The following FOCAD variants were observed in gnomAD, a reference collection of about 807,000 sequenced individuals.
FOCAD encodes the protein focadhesin.
In FOCAD, 198 loss-of-function variants were observed where a neutral mutation model predicts 225.6. The observed-to-expected ratio is 0.88, with a 90% CI of 0.78 to 0.99. The LOEUF is 0.99. Among genes scored for constraint, FOCAD ranks in the 50% least tolerant of loss-of-function variants. FOCAD has a pLI of 0.00. For synonymous variants in FOCAD, 897 were observed against 755.0 expected, an observed-to-expected ratio of 1.19 and a Z score of -3.08; for missense variants, 2,713 against 2,123.6, an observed-to-expected ratio of 1.28 and a Z score of -5.46.
chr9:20,917,237 T>C (rs944248535), intron 24 of FOCAD, among the ~76,000 whole-genome samples: 1 of 151,974 alleles, frequency 6.6e-6, no homozygotes, highest in South Asian at 2.1e-4. Context: ...ACTTAAAGGA[T>C]TGTAATTTAG....
intron 42 of FOCAD, among the ~76,000 whole-genome samples, chr9:20,992,835 C>T (rs188255522): frequency 4.7e-4 from 71 of 152,130 alleles, no homozygotes; most frequent in African/African-American, 1.6e-3. Context: ...TGGTGGTGTA[C>T]GCCTATAGTC....
intron 36 of FOCAD, among the ~76,000 whole-genome samples, chr9:20,977,896 G>A (rs897251320): frequency 5.9e-5 from 9 of 152,184 alleles, no homozygotes; most frequent in African/African-American, 1.9e-4. Context: ...AAAATAAGGT[G>A]CTGATTGGAA....
At chr9:20,700,476 A>T (rs1368850341) in intron 1 of FOCAD, among the ~76,000 whole-genome samples, 18 of 148,222 alleles carry the variant, frequency 1.2e-4, no homozygotes, top group Non-Finnish European at 2.5e-4. Context: ...CTGATTTTGG[A>T]TTTGAATTTG....
chr9:20,929,686 A>G lies in FOCAD; in HGVS notation c.3317+90A>G, dbSNP rs1191677430. 1.3e-5 allele frequency: 13 copies of G among 1,008,010 alleles called. No individual in the cohort carries two copies. In the East Asian group the frequency reaches 2.9e-4, roughly 22 times the overall value. 62.4% of individuals were successfully genotyped at this position (1,008,010 alleles called of 1,614,324 possible). ...ATATGCACCTATATATAAACATTGTATCTGAGCAATATGTGTTTGCTAAAC... is the reference window on the plus strand; with the variant it reads ...ATATGCACCTATATATAAACATTGTGTCTGAGCAATATGTGTTTGCTAAAC... On this transcript the variant is annotated intron_variant, in intron 27 of 43. Transcript: ENST00000338382.
intron 42 of FOCAD, among the ~76,000 whole-genome samples, chr9:20,992,443 C>G (rs1333320279): frequency 6.6e-6 from 1 of 152,172 alleles, no homozygotes; most frequent in East Asian, 1.9e-4. Context: ...GCCTAGGAGC[C>G]TAGACCAAGC....
intron 21 of FOCAD, among the ~76,000 whole-genome samples, chr9:20,901,190 CA>C (rs534293092): frequency 2.1e-4 from 22 of 103,502 alleles, no homozygotes; most frequent in East Asian, 2.1e-3. Context: ...AATGTGGAAA[CA>C]ATGTGTGTGT....
intron 6 of FOCAD, among the ~76,000 whole-genome samples, chr9:20,763,435 C>A (rs1829787304): frequency 6.6e-6 from 1 of 152,172 alleles, no homozygotes; most frequent in African/African-American, 2.4e-5. Flanking sequence ...CCATTGCACT[C>A]TAGCCTGGGC....
At chr9:20,990,600 G>A (rs1184354061) in intron 42 of FOCAD, among the ~76,000 whole-genome samples, 1 of 152,168 alleles carries the variant, frequency 6.6e-6, no homozygotes, top group Non-Finnish European at 1.5e-5. Context: ...ACAGCTGGGA[G>A]TGAGGTGGAG....
chr9:20,813,648 C>G (rs1347250847), intron 11 of FOCAD, among the ~76,000 whole-genome samples: 5 of 152,154 alleles, frequency 3.3e-5, no homozygotes, highest in African/African-American at 9.7e-5. Context: ...TGTGATCTCA[C>G]ACGTGGTCCA....
chr9:20,813,118 A>G (rs1823265769), intron 11 of FOCAD, among the ~76,000 whole-genome samples: 1 of 152,140 alleles, frequency 6.6e-6, no homozygotes, highest in Admixed American at 6.6e-5. Flanking sequence ...ATAATGCAGT[A>G]TTCGTCCTTC....
chr9:20,949,681 A>C lies in FOCAD; in HGVS notation c.3948+6A>C. On this transcript the variant is annotated splice_donor_region_variant and intron_variant, in intron 33 of 43. Coordinates refer to ENST00000338382, the MANE Select transcript of FOCAD (RefSeq NM_001375567.1). ...TCATTAGAACCTTAACTCAGGTGAG[A>C]AAATGAATTTAAAATCCTTGGGTGG... The C allele has an allele frequency of 6.2e-7, 1 of 1,609,312 alleles. No homozygotes were observed. Among genetic ancestry groups the C allele is most frequent in the Non-Finnish European group, 8.5e-7 (1 of 1,176,084 alleles).
Position 20,823,009 on chromosome 9 carries a change from A to T in FOCAD, c.1814A>T (p.Asp605Val). The T allele has an allele frequency of 6.2e-7, 1 of 1,605,410 alleles. No individual in the cohort carries two copies. Among genetic ancestry groups the T allele is most frequent in the African/African-American group, 1.3e-5 (1 of 74,382 alleles). ...CKQRPYQHGA[D>V]MLAAISQVLN... ...TGTAGGCCATATCAACATGGTGCAG[A>T]TATGTTGGCAGCTATTTCTCAAGTG... Residue 605 changes from aspartate (D) to valine (V), a missense_variant, in exon 15 of 44, where the codon GAT becomes GTT. Physicochemically the swap from Asp to Val is radical, Grantham distance 152 (BLOSUM62 -3). Coordinates refer to ENST00000338382, the MANE Select transcript of FOCAD (RefSeq NM_001375567.1).
chr9:20,754,288 A>AT (rs1041433131), intron 5 of FOCAD, among the ~76,000 whole-genome samples: 2 of 152,160 alleles, frequency 1.3e-5, no homozygotes, highest in African/African-American at 4.8e-5. Context: ...TTTAATTATA[A>AT]TTTTTTAAGT....
chr9:20,863,504 G>A (rs528235689), intron 16 of FOCAD: 4 of 152,090 alleles, frequency 2.6e-5, no homozygotes, highest in Admixed American at 1.3e-4. Context: ...TATCCTTACT[G>A]GGCTATACAA....
At chr9:20,952,177 T>C (rs1837743985) in intron 34 of FOCAD, among the ~76,000 whole-genome samples, 1 of 152,176 alleles carries the variant, frequency 6.6e-6, no homozygotes, top group South Asian at 2.1e-4. Context: ...GGCTTTTATT[T>C]TTTTATGTAG....
chr9:20,681,876 A>T (rs1027789718), upstream of FOCAD, among the ~76,000 whole-genome samples: 9 of 152,208 alleles, frequency 5.9e-5, no homozygotes, highest in Non-Finnish European at 1.0e-4. Context: ...TCTAGGCTCC[A>T]AGTTTAATGG....
upstream of FOCAD, among the ~76,000 whole-genome samples, chr9:20,681,776 T>G (rs1312503009): frequency 2.6e-5 from 4 of 152,210 alleles, no homozygotes; most frequent in Admixed American, 2.6e-4. Context: ...TTGCAGTTCC[T>G]GTATGGAAGG....
chr9:20,873,605 A>G (rs944131584), intron 18 of FOCAD, among the ~76,000 whole-genome samples: 9 of 152,162 alleles, frequency 5.9e-5, no homozygotes, highest in Non-Finnish European at 1.3e-4. Flanking sequence ...TCGGGTAGTC[A>G]GGTTGCTTTC....
chr9:20,690,461 C>T (rs1372114888), intron 1 of FOCAD, among the ~76,000 whole-genome samples: 1 of 152,032 alleles, frequency 6.6e-6, no homozygotes, highest in African/African-American at 2.4e-5. Context: ...TTTCTTAAAC[C>T]CACTTTAATC....
Sources: gnomAD v4.1 joint callset for allele counts (sites outside exome capture counted in the v4.1 genomes callset) on GRCh38, gnomAD v4.1.1 for gene constraint, MANE v1.5 for transcripts, NCBI Gene and HGNC (gene_info 2026-07-23, HGNC 2026-07-21) for gene names.